RBPJ: variants seen among roughly 807,000 people sequenced by gnomAD.
The protein encoded by RBPJ is recombining binding protein suppressor of hairless.
Under a neutral mutation model 67.8 loss-of-function variants are expected in RBPJ, and 9 were observed. That is an observed-to-expected ratio of 0.13 (90% confidence interval 0.08 to 0.23). The LOEUF is 0.23. Among genes scored for constraint, RBPJ ranks in the 10% least tolerant of loss-of-function variants. RBPJ has a pLI of 1.00. For synonymous variants in RBPJ, 198 were observed against 203.3 expected, an observed-to-expected ratio of 0.97 and a Z score of 0.22; for missense variants, 305 against 595.6, an observed-to-expected ratio of 0.51 and a Z score of 5.08.
At chr4:26,242,952 C>T (rs1278195103) in intron 1 of RBPJ, among the ~76,000 whole-genome samples, 1 of 152,170 alleles carries the variant, frequency 6.6e-6, no homozygotes. Flanking sequence ...TTTTTAAAAG[C>T]GCGGTGGCTC....
chr4:26,400,082 A>T (rs547877594), intron 2 of RBPJ, among the ~76,000 whole-genome samples: 2 of 152,360 alleles, frequency 1.3e-5, no homozygotes, highest in East Asian at 3.9e-4. Flanking sequence ...CAGTTCAATA[A>T]TAAAACAGTA....
At chr4:26,244,818 G>C (rs1253757484) in intron 1 of RBPJ, among the ~76,000 whole-genome samples, 1 of 151,896 alleles carries the variant, frequency 6.6e-6, no homozygotes, top group Non-Finnish European at 1.5e-5. Flanking sequence ...ATTTTTAGTA[G>C]AGGCGAGGTT....
At chr4:26,140,834 C>CAAATAAGTAAATAAATAAAT in the RBPJ span, among the ~76,000 whole-genome samples, 1 of 138,468 alleles carries the variant, frequency 7.2e-6, no homozygotes, top group African/African-American at 2.7e-5. Context: ...GACCCTTCCA[C>CAAATAAGTAAATAAATAAAT]AAATAAATAA....
chr4:26,275,110 C>G (rs1166481816), intron 1 of RBPJ, among the ~76,000 whole-genome samples: 1 of 152,020 alleles, frequency 6.6e-6, no homozygotes, highest in Admixed American at 6.6e-5. Flanking sequence ...TGTCATCGTC[C>G]CTATTTCATA....
intron 3 of RBPJ, among the ~76,000 whole-genome samples, chr4:26,406,683 T>G (rs1418464599): frequency 6.6e-6 from 1 of 152,238 alleles, no homozygotes; most frequent in Non-Finnish European, 1.5e-5. Flanking sequence ...AACTGATACC[T>G]GATTTGCTAC....
At chr4:26,384,869 C>A (rs1211867727) in intron 1 of RBPJ, among the ~76,000 whole-genome samples, 1 of 47,648 alleles carries the variant, frequency 2.1e-5, no homozygotes, top group Non-Finnish European at 3.7e-5. Context: ...CTCTCCCCTC[C>A]CGCCTCTCGC....
chr4:26,354,966 C>T (rs1335472926), intron 1 of RBPJ, among the ~76,000 whole-genome samples: 3 of 152,148 alleles, frequency 2.0e-5, no homozygotes, highest in African/African-American at 7.2e-5. Flanking sequence ...TTCTCTCTTC[C>T]AGCTCAAAGC....
At chr4:26,109,694 TGCCTGTCCACCTTC>T in the RBPJ span, among the ~76,000 whole-genome samples, 1 of 98,588 alleles carries the variant, frequency 1.0e-5, no homozygotes, top group Non-Finnish European at 2.1e-5. Flanking sequence ...ACAGCCACTG[TGCCTGTCCACCTTC>T]CTCTCTCTCT....
At chr4:26,305,778 T>C (rs1722217034) in intron 1 of RBPJ, among the ~76,000 whole-genome samples, 1 of 129,462 alleles carries the variant, frequency 7.7e-6, no homozygotes, top group African/African-American at 3.2e-5. Flanking sequence ...TTTCTTTTTT[T>C]TTTTTTTTTT....
At chr4:26,257,162 T>G (rs1247011364) in intron 1 of RBPJ, among the ~76,000 whole-genome samples, 2 of 152,230 alleles carry the variant, frequency 1.3e-5, no homozygotes, top group Non-Finnish European at 2.9e-5. Flanking sequence ...TCAACCTATT[T>G]AATACCCACA....
chr4:26,222,085 G>A (rs1276233789), intron 1 of RBPJ, among the ~76,000 whole-genome samples: 13 of 152,316 alleles, frequency 8.5e-5, no homozygotes, highest in Admixed American at 8.5e-4. Context: ...ACCTTGTTTT[G>A]ATGACACTCC....
rs183313051 is a variant in RBPJ at position 26,242,861 on chromosome 4, T to C, written c.-167+79247T>C. 4.1e-3 allele frequency among the ~76,000 whole-genome samples: 624 copies of C among 152,322 alleles called. 1 individual carries two copies. The highest frequency in any genetic ancestry group is 0.01 in the Middle Eastern group (3 of 294). ...AAATAGAAAGAACACATAAAGCACG[T>C]GTGCTGCATGCTGAAATATGATGTT... is the stretch of plus-strand genomic sequence containing the variant. On this transcript the variant is annotated intron_variant, in intron 1 of 4. Transcript: ENST00000512351.
At chr4:26,239,408 C>T (rs1427746512) in intron 1 of RBPJ, among the ~76,000 whole-genome samples, 1 of 152,234 alleles carries the variant, frequency 6.6e-6, no homozygotes, top group Non-Finnish European at 1.5e-5. Context: ...ACTGGTAACA[C>T]TTTGCATTGA....
intron 1 of RBPJ, among the ~76,000 whole-genome samples, chr4:26,250,419 TCTC>T (rs1221799588): frequency 6.7e-6 from 1 of 149,616 alleles, no homozygotes; most frequent in African/African-American, 2.5e-5. Context: ...GTAACCTCCT[TCTC>T]CTAGATTCAA....
chr4:26,362,331 A>AC (rs1396351339), intron 1 of RBPJ: 1 of 435,178 alleles, frequency 2.3e-6, no homozygotes, highest in African/African-American at 2.0e-5. Context: ...TGACAGTGTT[A>AC]CACAGGGTAG....
intron 1 of RBPJ, among the ~76,000 whole-genome samples, chr4:26,234,532 G>A (rs959091353): frequency 6.6e-6 from 1 of 152,128 alleles, no homozygotes; most frequent in African/African-American, 2.4e-5. Context: ...TTGCTCAAAT[G>A]TTACCTTTTC....
intron 1 of RBPJ, among the ~76,000 whole-genome samples, chr4:26,314,137 A>T (rs887929892): frequency 2.0e-5 from 3 of 152,142 alleles, no homozygotes; most frequent in Admixed American, 6.5e-5. Flanking sequence ...GCAAATAAGT[A>T]TATATATATC....
intron 1 of RBPJ, among the ~76,000 whole-genome samples, chr4:26,382,059 A>C (rs989278281): frequency 1.3e-5 from 2 of 152,184 alleles, no homozygotes; most frequent in Non-Finnish European, 2.9e-5. Flanking sequence ...CCATTGTTAA[A>C]TACACCATAT....
intron 1 of RBPJ, among the ~76,000 whole-genome samples, chr4:26,303,483 A>G (rs1722144659): frequency 1.3e-5 from 2 of 150,424 alleles, no homozygotes. Flanking sequence ...ATAAAGAAAT[A>G]TAATCTTGAA....
Sources: allele counts gnomAD v4.1 joint callset (sites outside exome capture counted in the v4.1 genomes callset), GRCh38; gene constraint gnomAD v4.1.1; transcripts MANE v1.5; gene names NCBI Gene and HGNC (gene_info 2026-07-23, HGNC 2026-07-21).